SLA: variants seen among roughly 807,000 people sequenced by gnomAD.
SLA encodes Src like adaptor, also known as src-like-adapter.
Under a neutral mutation model 30.3 loss-of-function variants are expected in SLA, and 16 were observed. That is an observed-to-expected ratio of 0.53 (90% CI 0.36 to 0.80). The LOEUF is 0.80. Ranked by LOEUF, SLA falls within the 30% of genes least tolerant of loss-of-function variation. The pLI is 0.01. For synonymous variants in SLA, 143 were observed against 137.8 expected (o/e 1.04, Z -0.26); for missense variants, 310 against 345.2 (o/e 0.90, Z 0.81).
chr8:133,064,904 C>T (rs1842843139), intron 2 of SLA, among the ~76,000 whole-genome samples: 1 of 152,114 alleles, frequency 6.6e-6, no homozygotes, highest in South Asian at 2.1e-4. Flanking sequence ...CTTTATCGTG[C>T]ACCGAAGGGG....
At chr8:133,058,604 C>T (rs1470706040) in intron 3 of SLA, among the ~76,000 whole-genome samples, 1 of 152,146 alleles carries the variant, frequency 6.6e-6, no homozygotes, top group African/African-American at 2.4e-5. Context: ...TGTCAGTTTT[C>T]TAGCAGTGGT....
At chr8:133,066,763 A>G (rs1424968735) in intron 2 of SLA, among the ~76,000 whole-genome samples, 1 of 152,222 alleles carries the variant, frequency 6.6e-6, no homozygotes, top group Non-Finnish European at 1.5e-5. Flanking sequence ...GGATACAAGT[A>G]TATGCCCTAT....
At chr8:133,047,996 T>C in intron 5 of SLA, 63 bp from the exon 6 acceptor site, 1 of 962,384 alleles carries the variant, frequency 1.0e-6, no homozygotes, top group Non-Finnish European at 1.7e-6. Flanking sequence ...AAGGCAGGAA[T>C]GCGCCACCCA....
chr8:133,074,688 G>C (rs116022700), intron 2 of SLA, among the ~76,000 whole-genome samples, 165 bp downstream of exon 2: 1,639 of 152,300 alleles, frequency 0.011, 23 homozygotes, highest in African/African-American at 0.036. Context: ...AGCCACTGCA[G>C]TGTGCTGGGC....
chr8:133,053,650 C>T (rs1276738738), intron 3 of SLA, among the ~76,000 whole-genome samples: 1 of 152,048 alleles, frequency 6.6e-6, no homozygotes, highest in Non-Finnish European at 1.5e-5. Flanking sequence ...ATATCAAATT[C>T]AAGATTAAGA....
chr8:133,101,906 C>T lies in SLA; in HGVS notation c.-319+647G>A, dbSNP rs150520114. 1.1e-3 allele frequency among the ~76,000 whole-genome samples: 165 copies of T among 152,302 alleles called. 1 individual carries two copies. Among genetic ancestry groups the T allele is most frequent in the African/African-American group, 3.9e-3 (164 of 41,562 alleles). Reference sequence around the variant, plus strand: ...CCGCTCCCTTGGTCATGTGTCAACACAGCAGGGAGAGTGTCCTGGGTGTCC... The same window carrying T: ...CCGCTCCCTTGGTCATGTGTCAACATAGCAGGGAGAGTGTCCTGGGTGTCC... On this transcript the variant is annotated intron_variant, in intron 1 of 8. Transcript: ENST00000338087.
chr8:133,068,405 C>T (rs939167692), intron 2 of SLA, among the ~76,000 whole-genome samples: 1 of 152,188 alleles, frequency 6.6e-6, no homozygotes, highest in South Asian at 2.1e-4. Flanking sequence ...ATGGAGGTGT[C>T]CTAGTGTACA....
intron 2 of SLA, among the ~76,000 whole-genome samples, chr8:133,062,273 A>G (rs893489302): frequency 6.6e-6 from 1 of 152,204 alleles, no homozygotes; most frequent in African/African-American, 2.4e-5. Flanking sequence ...CCCTGGTAGG[A>G]ACTTTCTAGC....
Position 133,037,439 on chromosome 8 carries a change from A to G in SLA, c.*1085T>C, listed in dbSNP as rs1198656774. The G allele has an allele frequency of 6.6e-6, 1 of 152,160 alleles. No individual in the cohort carries two copies. The highest frequency in any genetic ancestry group is 1.5e-5 in the Non-Finnish European group (1 of 68,024). 9.4% of individuals were successfully genotyped at this position (152,160 alleles called of 1,614,324 possible). The stretch of plus-strand genomic sequence containing the variant: ...ACTGTATCCATTTCTTTTCTAAAAA[A>G]TCCAGCTATTCTTACCTACCCGATC... On this transcript the variant is annotated 3_prime_UTR_variant, in exon 9 of 9. Coordinates refer to ENST00000338087, the MANE Select transcript of SLA (RefSeq NM_001045556.3).
intron 1 of SLA, chr8:133,094,993 G>T: frequency 6.2e-7 from 1 of 1,611,526 alleles, no homozygotes; most frequent in East Asian, 2.2e-5. Context: ...CAGGTGAGCA[G>T]GGGCTGAAGA....
chr8:133,038,726 T>C lies in SLA; in HGVS notation c.629A>G (p.Asp210Gly). 1 of 1,612,536 alleles carries C rather than the reference T, an allele frequency of 6.2e-7. No individual in the cohort carries two copies. The highest frequency in any genetic ancestry group is 8.5e-7 in the Non-Finnish European group (1 of 1,179,412). Residue 210 changes from aspartate (D) to glycine (G), a missense_variant, in exon 9 of 9, where the codon GAC (aspartate) becomes GGC (glycine). By Grantham distance (94) the Asp-to-Gly change is moderately conservative. Transcript: ENST00000338087. ...AAGCGGGTTCTCTGTTCCCTCGGGG[T>C]CCTCCTGCAGTCTGTGGGCCAGAAG... ...DWRRVSRLQE[D>G]PEGTENPLGV...
chr8:133,071,143 ACAACAGGAGAGGGGG>A (rs1398218583), intron 2 of SLA, among the ~76,000 whole-genome samples: 1 of 152,170 alleles, frequency 6.6e-6, no homozygotes, highest in East Asian at 1.9e-4. Context: ...TTCGTGTACA[ACAACAGGAGAGGGGG>A]CACCAGTGCG....
chr8:133,091,139 T>G (rs1847448502), intron 1 of SLA, among the ~76,000 whole-genome samples: 1 of 152,260 alleles, frequency 6.6e-6, no homozygotes, highest in Non-Finnish European at 1.5e-5. Context: ...GCACACAGGA[T>G]GTGCTACTTG....
intron 2 of SLA, 80 bp from the exon 3 acceptor site, chr8:133,060,280 T>C (rs764431290): frequency 1.3e-6 from 2 of 1,594,154 alleles, no homozygotes; most frequent in Non-Finnish European, 1.7e-6. Context: ...TTAGAGAGCA[T>C]CGTGCATCAT....
chr8:133,060,240 C>T, intron 2 of SLA, 40 bp from the exon 3 acceptor site: 1 of 1,612,592 alleles, frequency 6.2e-7, no homozygotes, highest in Non-Finnish European at 8.5e-7. Context: ...CAACCGTGCC[C>T]TGAGCCCTCC....
At chr8:133,052,743 G>A (rs1365969706) in intron 3 of SLA, among the ~76,000 whole-genome samples, 1 of 152,148 alleles carries the variant, frequency 6.6e-6, no homozygotes, top group Non-Finnish European at 1.5e-5. Context: ...ATACACAATT[G>A]CAAATACAAA....
At chr8:133,074,766 T>G (rs1471650427) in intron 2 of SLA, 87 bp downstream of exon 2, 1 of 777,776 alleles carries the variant, frequency 1.3e-6, no homozygotes, top group Non-Finnish European at 1.6e-6. Context: ...CCTTTCTGAC[T>G]CCAGAAAGTC....
At chr8:133,044,392 C>T (rs1468961172) in intron 7 of SLA, among the ~76,000 whole-genome samples, 3 of 152,120 alleles carry the variant, frequency 2.0e-5, no homozygotes, top group African/African-American at 7.2e-5. Flanking sequence ...TCTCCTGGGT[C>T]TGTGAAGGGC....
intron 1 of SLA, among the ~76,000 whole-genome samples, chr8:133,078,242 A>G (rs1845200425): frequency 6.6e-6 from 1 of 152,178 alleles, no homozygotes. Context: ...CTTGGAAGCT[A>G]CAGTATGGGC....
Sources: allele counts gnomAD v4.1 joint callset (sites outside exome capture counted in the v4.1 genomes callset), GRCh38; gene constraint gnomAD v4.1.1; transcripts MANE v1.5; gene names NCBI Gene and HGNC (gene_info 2026-07-23, HGNC 2026-07-21).